The following ROBO2 variants were observed in gnomAD, a reference collection of about 807,000 sequenced individuals.
ROBO2 encodes roundabout guidance receptor 2.
A neutral mutation model predicts 160.8 loss-of-function variants in ROBO2; 53 were observed. That is an observed-to-expected ratio of 0.33 (90% CI 0.26 to 0.41). The LOEUF is 0.41. ROBO2 is among the 10% of genes least tolerant of loss of function. ROBO2 has a pLI of 1.00. For synonymous variants in ROBO2, 664 were observed against 611.7 expected (o/e 1.09, Z -1.26); for missense variants, 1,577 against 1,722.4 (o/e 0.92, Z 1.49).
At chr3:75,938,578 A>C (rs1341215954) in intron 2 of ROBO2, among the ~76,000 whole-genome samples, 1 of 152,122 alleles carries the variant, frequency 6.6e-6, no homozygotes, top group Non-Finnish European at 1.5e-5. Flanking sequence ...GATAAAATTG[A>C]AAGTGTGCAG....
At chr3:76,302,857 A>G (rs1319851345) in intron 2 of ROBO2, among the ~76,000 whole-genome samples, 1 of 152,100 alleles carries the variant, frequency 6.6e-6, no homozygotes, top group African/African-American at 2.4e-5. Context: ...TTCTGCAAAC[A>G]TCCTCATGGG....
chr3:75,929,773 C>T (rs1402071892), intron 1 of ROBO2, among the ~76,000 whole-genome samples: 1 of 151,828 alleles, frequency 6.6e-6, no homozygotes, highest in Non-Finnish European at 1.5e-5. Flanking sequence ...CGGCTCACTG[C>T]AACCTCCTCC....
intron 2 of ROBO2, among the ~76,000 whole-genome samples, chr3:77,420,713 C>T (rs1199283420): frequency 6.6e-6 from 1 of 152,106 alleles, no homozygotes; most frequent in African/African-American, 2.4e-5. Flanking sequence ...CCTGGAGTGC[C>T]TGAAGCTCCT....
chr3:76,282,287 C>T (rs1708273438), intron 2 of ROBO2, among the ~76,000 whole-genome samples: 1 of 151,832 alleles, frequency 6.6e-6, no homozygotes, highest in Admixed American at 6.6e-5. Flanking sequence ...TTAGAAAATG[C>T]ACTTGCTGTA....
intron 5 of ROBO2, among the ~76,000 whole-genome samples, chr3:77,516,028 C>A (rs1170811272): frequency 1.3e-5 from 2 of 151,408 alleles, no homozygotes; most frequent in Non-Finnish European, 3.0e-5. Flanking sequence ...TTTATTTAGG[C>A]TCCATATGTT....
At chr3:76,108,009 A>G (rs1002096588) in intron 2 of ROBO2, among the ~76,000 whole-genome samples, 3 of 152,084 alleles carry the variant, frequency 2.0e-5, no homozygotes, top group Non-Finnish European at 2.9e-5. Flanking sequence ...GATAAATTAT[A>G]ATGCATTTTA....
intron 2 of ROBO2, among the ~76,000 whole-genome samples, chr3:76,326,879 T>C (rs978379956): frequency 6.6e-6 from 1 of 151,156 alleles, no homozygotes; most frequent in Non-Finnish European, 1.5e-5. Context: ...GTTTGGTTTT[T>C]TGTTCTTGCG....
chr3:77,317,093 C>A (rs2064075520), intron 2 of ROBO2: 5 of 1,363,290 alleles, frequency 3.7e-6, no homozygotes, highest in South Asian at 2.3e-5. Context: ...CTGTAGCCAA[C>A]TGCAAAGTTG....
chr3:76,866,919 T>C (rs536606588), intron 2 of ROBO2, among the ~76,000 whole-genome samples: 234 of 152,234 alleles, frequency 1.5e-3, no homozygotes, highest in African/African-American at 5.3e-3. Context: ...TCTTACTCAT[T>C]TAATGAACTA....
chr3:77,546,357 T>C, exon 7 of ROBO2: 1 of 1,613,178 alleles, frequency 6.2e-7, no homozygotes, highest in Non-Finnish European at 8.5e-7. Flanking sequence ...AGTTTGTGGT[T>C]CGGCCAAGAG....
intron 2 of ROBO2, among the ~76,000 whole-genome samples, chr3:76,981,101 T>C (rs2060075180): frequency 1.3e-5 from 2 of 152,232 alleles, no homozygotes; most frequent in South Asian, 4.1e-4. Context: ...GATGGACATG[T>C]AGGTTGTTTG....
intron 5 of ROBO2, among the ~76,000 whole-genome samples, chr3:77,519,324 A>C (rs1170166372): frequency 1.3e-5 from 2 of 151,372 alleles, no homozygotes; most frequent in Non-Finnish European, 3.0e-5. Context: ...TGTATTTAGT[A>C]ATTTTTAAAT....
chr3:76,074,153 A>G (rs1175303676), intron 2 of ROBO2, among the ~76,000 whole-genome samples: 2 of 151,228 alleles, frequency 1.3e-5, no homozygotes. Context: ...CATGAAGGTC[A>G]TTTCTCACCC....
intron 2 of ROBO2, among the ~76,000 whole-genome samples, chr3:76,235,303 G>C (rs1028860958): frequency 6.6e-6 from 1 of 152,122 alleles, no homozygotes. Context: ...CACACACAGG[G>C]AAGAAGGCCA....
At chr3:77,560,750 A>T (rs1423924639) in intron 9 of ROBO2, among the ~76,000 whole-genome samples, 2 of 152,164 alleles carry the variant, frequency 1.3e-5, no homozygotes, top group Admixed American at 1.3e-4. Context: ...TTGTATCTCC[A>T]CACAATGACA....
At chr3:76,148,364 A>G (rs546086607) in intron 2 of ROBO2, among the ~76,000 whole-genome samples, 1 of 152,012 alleles carries the variant, frequency 6.6e-6, no homozygotes, top group South Asian at 2.1e-4. Flanking sequence ...TTCCCCATTG[A>G]TTACCTTGGA....
At chr3:75,927,521 G>C in intron 1 of ROBO2, among the ~76,000 whole-genome samples, 1 of 152,150 alleles carries the variant, frequency 6.6e-6, no homozygotes, top group Non-Finnish European at 1.5e-5. Flanking sequence ...TTAACTTTAA[G>C]ACTATTGCTC....
chr3:76,007,593 G>A (rs2066060124), intron 2 of ROBO2, among the ~76,000 whole-genome samples: 1 of 152,106 alleles, frequency 6.6e-6, no homozygotes, highest in African/African-American at 2.4e-5. Context: ...AAATCCAGAA[G>A]TAAATGGTAC....
At chr3:77,445,794 G>GTTTTTT (rs199914360) in intron 2 of ROBO2, among the ~76,000 whole-genome samples, 198 of 123,062 alleles carry the variant, frequency 1.6e-3, no homozygotes, top group African/African-American at 5.9e-3. Flanking sequence ...GTTTTTTTTT[G>GTTTTTT]TTTTTTTTTT....
Sources: gnomAD v4.1 joint callset for allele counts (sites outside exome capture counted in the v4.1 genomes callset) on GRCh38, gnomAD v4.1.1 for gene constraint, MANE v1.5 for transcripts, NCBI Gene and HGNC (gene_info 2026-07-23, HGNC 2026-07-21) for gene names.